Variants in CDH13 observed in about 807,000 individuals in gnomAD.
The protein encoded by CDH13 is cadherin-13.
CDH13 carries 24 observed loss-of-function variants against 63.8 expected under a neutral mutation model. That is an observed-to-expected ratio of 0.38 (90% CI 0.27 to 0.53). The LOEUF (loss-of-function observed/expected upper bound fraction) is 0.53. Among genes scored for constraint, CDH13 ranks in the 20% least tolerant of loss-of-function variants. CDH13 has a pLI of 0.85. For synonymous variants in CDH13, 503 were observed against 355.3 expected, an observed-to-expected ratio of 1.42 and a Z score of -4.67; for missense variants, 1,049 against 903.1, an observed-to-expected ratio of 1.16 and a Z score of -2.07.
chr16:83,539,601 A>T (rs1394043734), intron 7 of CDH13, among the ~76,000 whole-genome samples: 1 of 152,232 alleles, frequency 6.6e-6, no homozygotes, highest in Non-Finnish European at 1.5e-5. Context: ...CATTTGTTGA[A>T]GTGTTGGTAA....
chr16:83,206,456 G>C (rs754356052), intron 4 of CDH13, among the ~76,000 whole-genome samples: 4 of 152,184 alleles, frequency 2.6e-5, no homozygotes, highest in Non-Finnish European at 5.9e-5. Flanking sequence ...TCCCTGAGGA[G>C]CTGTGCCCTG....
intron 1 of CDH13, among the ~76,000 whole-genome samples, chr16:82,678,093 G>A (rs1346344270): frequency 6.6e-6 from 1 of 152,014 alleles, no homozygotes; most frequent in African/African-American, 2.4e-5. Flanking sequence ...CCTCTACACT[G>A]GCCTCCCAAG....
At chr16:82,802,511 A>T (rs8055665) in intron 1 of CDH13, among the ~76,000 whole-genome samples, 17,315 of 152,118 alleles carry the variant, frequency 0.11, 1,449 homozygotes, top group African/African-American at 0.24. Context: ...AGGGACAGAT[A>T]GGTCCCTAAG....
At chr16:82,642,132 T>G (rs960160693) in intron 1 of CDH13, among the ~76,000 whole-genome samples, 1 of 148,978 alleles carries the variant, frequency 6.7e-6, no homozygotes, top group East Asian at 2.0e-4. Context: ...GGCAAATGTG[T>G]GTTCACTAGT....
At chr16:82,691,522 C>G (rs1915645912) in intron 1 of CDH13, among the ~76,000 whole-genome samples, 1 of 152,204 alleles carries the variant, frequency 6.6e-6, no homozygotes, top group Non-Finnish European at 1.5e-5. Context: ...GCACCCTTTA[C>G]TGACATTTTC....
At chr16:82,917,260 C>G (rs190196975) in intron 2 of CDH13, among the ~76,000 whole-genome samples, 3 of 152,312 alleles carry the variant, frequency 2.0e-5, no homozygotes, top group African/African-American at 7.2e-5. Context: ...CCTGACCATG[C>G]TGATCTCCAT....
rs1189828805 is a variant in CDH13 at position 82,710,558 on chromosome 16, T to A, written c.45+83421T>A. On this transcript the variant is annotated intron_variant, in intron 1 of 13. Coordinates refer to ENST00000567109, the MANE Select transcript of CDH13 (RefSeq NM_001257.5). ...AAAAAAAAAAAAAAAAAAAAATATA[T>A]ATATATATATATATATATAAATATA... Among the ~76,000 whole-genome samples, 219 of 107,472 alleles carry A rather than the reference T, an allele frequency of 2.0e-3. 3 individuals carry two copies. The highest frequency in any genetic ancestry group is 6.3e-3 in the African/African-American group (176 of 28,078). 70.5% of individuals were successfully genotyped at this position (107,472 alleles called of 152,430 possible). A position where few individuals can be genotyped will look rare whatever the true frequency, so the allele number is the denominator to read the frequency against.
chr16:82,840,684 C>CAAAAAA, intron 1 of CDH13, among the ~76,000 whole-genome samples: 1 of 86,734 alleles, frequency 1.2e-5, no homozygotes, highest in Non-Finnish European at 2.2e-5. Flanking sequence ...GAATCCATCT[C>CAAAAAA]AAAAAAAAAA....
chr16:83,053,113 G>T (rs531824683), intron 3 of CDH13, among the ~76,000 whole-genome samples: 1 of 152,170 alleles, frequency 6.6e-6, no homozygotes, highest in East Asian at 1.9e-4. Context: ...GATAATTCAT[G>T]TGAGGCTCTT....
chr16:83,090,757 A>AT (rs1429765494), intron 3 of CDH13, among the ~76,000 whole-genome samples: 3 of 152,082 alleles, frequency 2.0e-5, no homozygotes, highest in Admixed American at 2.0e-4. Flanking sequence ...TAGACCCTTG[A>AT]TTTTCAAAGC....
At chr16:82,908,770 A>G (rs1029605870) in intron 2 of CDH13, among the ~76,000 whole-genome samples, 3 of 152,192 alleles carry the variant, frequency 2.0e-5, no homozygotes, top group Non-Finnish European at 2.9e-5. Context: ...AGTCTCTTTT[A>G]TAATATAGTG....
chr16:83,140,967 G>T (rs923361792), intron 4 of CDH13, among the ~76,000 whole-genome samples: 3 of 152,174 alleles, frequency 2.0e-5, no homozygotes, highest in Non-Finnish European at 4.4e-5. Flanking sequence ...ATGCACAATT[G>T]CTAAACAGAC....
intron 4 of CDH13, among the ~76,000 whole-genome samples, chr16:83,154,661 T>C (rs992931402): frequency 2.0e-5 from 3 of 152,048 alleles, no homozygotes; most frequent in African/African-American, 7.2e-5. Context: ...AGCTGACTGA[T>C]AAAACATTGA....
chr16:83,297,818 G>C (rs1281413019), intron 5 of CDH13, among the ~76,000 whole-genome samples: 2 of 152,136 alleles, frequency 1.3e-5, no homozygotes, highest in African/African-American at 4.8e-5. Flanking sequence ...GGACATTCAA[G>C]ATAGACTTCT....
At chr16:82,855,714 C>T (rs1159181978) in intron 1 of CDH13, among the ~76,000 whole-genome samples, 5 of 152,134 alleles carry the variant, frequency 3.3e-5, no homozygotes, top group Non-Finnish European at 7.4e-5. Context: ...CAGACCACAG[C>T]GTTCTTTTCA....
intron 6 of CDH13, among the ~76,000 whole-genome samples, chr16:83,457,601 C>T (rs1448434877): frequency 6.6e-6 from 1 of 152,124 alleles, no homozygotes; most frequent in Non-Finnish European, 1.5e-5. Context: ...ATGACATCCA[C>T]AGTAGCAATA....
At chr16:83,267,850 T>C (rs2088671669) in intron 5 of CDH13, among the ~76,000 whole-genome samples, 1 of 152,214 alleles carries the variant, frequency 6.6e-6, no homozygotes, top group East Asian at 1.9e-4. Flanking sequence ...CTAAGACATC[T>C]TTTATCACCA....
intron 10 of CDH13, among the ~76,000 whole-genome samples, chr16:83,744,351 A>G (rs1223726386): frequency 6.6e-5 from 10 of 152,234 alleles, no homozygotes; most frequent in African/African-American, 2.4e-4. Context: ...GTCTTGAAAC[A>G]GTAAAAATTT....
chr16:82,809,390 C>A (rs1315734366), intron 1 of CDH13, among the ~76,000 whole-genome samples: 2 of 151,820 alleles, frequency 1.3e-5, no homozygotes, highest in East Asian at 1.9e-4. Context: ...CGGTGAGTTT[C>A]TTCCTGAAGA....
Sources: gnomAD v4.1 joint callset for allele counts (sites outside exome capture counted in the v4.1 genomes callset) on GRCh38, gnomAD v4.1.1 for gene constraint, MANE v1.5 for transcripts, NCBI Gene and HGNC (gene_info 2026-07-23, HGNC 2026-07-21) for gene names.